The following DCAF8L2 variants were observed in gnomAD, a reference collection of about 807,000 sequenced individuals.
DCAF8L2 encodes DDB1 and CUL4 associated factor 8 like 2.
For synonymous variants in DCAF8L2, 200 were observed against 190.9 expected, an observed-to-expected ratio of 1.05 and a Z score of -0.39; for missense variants, 430 against 490.7, an observed-to-expected ratio of 0.88 and a Z score of 1.17.
chrX:27,527,809 G>A, the DCAF8L2 span, among the ~76,000 whole-genome samples: 38 of 108,609 alleles, frequency 3.5e-4, no homozygotes, highest in African/African-American at 1.2e-3. Flanking sequence ...CCACCACCAT[G>A]CCTGGCTAAT....
upstream of DCAF8L2, among the ~76,000 whole-genome samples, chrX:27,587,703 TTCCCC>T (rs1925929802): frequency 9.0e-6 from 1 of 111,076 alleles, no homozygotes; most frequent in South Asian, 3.7e-4. Context: ...ACAAACTGAC[TTCCCC>T]AAAGGGACTT....
chrX:27,611,354 TC>T (rs1927155388), intron 1 of DCAF8L2, among the ~76,000 whole-genome samples: 1 of 72,282 alleles, frequency 1.4e-5, no homozygotes, highest in Non-Finnish European at 2.5e-5. Flanking sequence ...TTCTTCAGAT[TC>T]TTTTTATTCA....
the DCAF8L2 span, among the ~76,000 whole-genome samples, chrX:27,544,773 T>C: frequency 8.9e-6 from 1 of 111,917 alleles, no homozygotes; most frequent in Non-Finnish European, 1.9e-5. Flanking sequence ...GGCTCAAAGA[T>C]TGATAAGAAA....
the DCAF8L2 span, among the ~76,000 whole-genome samples, chrX:27,496,947 A>C: frequency 2.7e-5 from 3 of 112,335 alleles, no homozygotes; most frequent in South Asian, 1.1e-3. Flanking sequence ...GGAAAAAGCC[A>C]ATGTCAAAAG....
At chrX:27,510,893 A>C in the DCAF8L2 span, among the ~76,000 whole-genome samples, 1 of 111,660 alleles carries the variant, frequency 9.0e-6, no homozygotes, top group Non-Finnish European at 1.9e-5. Context: ...ATTATACTTC[A>C]AGAGTACTAG....
intron 4 of DCAF8L2, among the ~76,000 whole-genome samples, chrX:27,737,582 C>A (rs1921601995): frequency 1.8e-5 from 2 of 112,024 alleles, no homozygotes; most frequent in South Asian, 7.4e-4. Context: ...CCAATCTAAA[C>A]ACTATGTCTA....
chrX:27,501,482 A>G, the DCAF8L2 span, among the ~76,000 whole-genome samples: 1 of 111,312 alleles, frequency 9.0e-6, no homozygotes, highest in Non-Finnish European at 1.9e-5. Flanking sequence ...CCATGTGTAT[A>G]TGTTTTACCA....
At chrX:27,469,935 A>AT in the DCAF8L2 span, among the ~76,000 whole-genome samples, 28 of 109,279 alleles carry the variant, frequency 2.6e-4, no homozygotes, top group Admixed American at 7.8e-4. Context: ...TGCCTGGCTA[A>AT]TTTTTTATTT....
At position 27,747,575 on chromosome X, in the gene DCAF8L2, A is replaced by C; in HGVS notation, c.680A>C (p.His227Pro). The C allele has an allele frequency of 1.7e-6, 2 of 1,191,767 alleles. No individual in the cohort carries two copies. Among genetic ancestry groups the C allele is most frequent in the Non-Finnish European group, 2.3e-6 (2 of 885,047 alleles). Residue 227 changes from histidine to proline, a missense_variant, in exon 5 of 5, where the codon CAT becomes CCT. Coordinates refer to ENST00000451261, the MANE Select transcript of DCAF8L2 (RefSeq NM_001353450.2). ...CGCCTGCAATATCGTCTTGCAGACC[A>C]TGTCGGCTGTGTCAATACTGTACAC... ...RFRLQYRLAD[H>P]VGCVNTVHFN... is the part of the protein sequence containing the mutation.
chrX:27,521,687 A>C, the DCAF8L2 span, among the ~76,000 whole-genome samples: 1 of 112,074 alleles, frequency 8.9e-6, no homozygotes, highest in Non-Finnish European at 1.9e-5. Flanking sequence ...TAGGAAATGA[A>C]AAACTAATGT....
At chrX:27,583,972 CA>C in the DCAF8L2 span, among the ~76,000 whole-genome samples, 1 of 111,500 alleles carries the variant, frequency 9.0e-6, no homozygotes, top group East Asian at 2.8e-4. Flanking sequence ...GTAAAGACCC[CA>C]AACCTCTAGG....
At chrX:27,635,605 C>T (rs1398430503) in intron 2 of DCAF8L2, among the ~76,000 whole-genome samples, 1 of 111,417 alleles carries the variant, frequency 9.0e-6, no homozygotes, top group African/African-American at 3.3e-5. Flanking sequence ...AGCTTTCTTC[C>T]GGCCAATTCA....
rs1267093951 is a variant in DCAF8L2, at chrX:27,648,505, T to C, written c.-220+16505T>C. 3.6e-5 allele frequency among the ~76,000 whole-genome samples: 3 copies of C among 82,777 alleles called. No individual in the cohort carries two copies. The East Asian group carries it at 1.0e-3, about 29-fold the overall frequency. The allele number at this position is 82,777 out of a possible 115,157, so 71.9% of individuals were successfully genotyped here. A position where few individuals can be genotyped will look rare whatever the true frequency, so the allele number is the denominator to read the frequency against. On this transcript the variant is annotated intron_variant, in intron 2 of 4. Coordinates refer to ENST00000451261, the MANE Select transcript of DCAF8L2 (RefSeq NM_001353450.2). ...GTAACATTTCCTAGTTAAGCAAACA[T>C]ATATATATATGTATTATTTATATAT... is the stretch of plus-strand genomic sequence containing the variant.
At chrX:27,608,207 G>T (rs1926997124) in intron 1 of DCAF8L2, among the ~76,000 whole-genome samples, 1 of 111,091 alleles carries the variant, frequency 9.0e-6, no homozygotes, top group South Asian at 3.8e-4. Flanking sequence ...CTTTTATTTA[G>T]ATTTCAAGTA....
the DCAF8L2 span, among the ~76,000 whole-genome samples, chrX:27,480,540 C>T: frequency 1.8e-5 from 2 of 111,756 alleles, no homozygotes; most frequent in Non-Finnish European, 3.8e-5. Flanking sequence ...GGTCTCTTGG[C>T]GGTGGCTCTG....
intron 4 of DCAF8L2, among the ~76,000 whole-genome samples, chrX:27,739,013 C>G (rs1000161399): frequency 9.0e-6 from 1 of 111,021 alleles, no homozygotes; most frequent in African/African-American, 3.3e-5. Context: ...TTAAGACTTT[C>G]AGAAATTTCT....
At chrX:27,683,651 C>G (rs1194116551) in intron 3 of DCAF8L2, among the ~76,000 whole-genome samples, 1 of 112,087 alleles carries the variant, frequency 8.9e-6, no homozygotes, top group Non-Finnish European at 1.9e-5. Flanking sequence ...GGGCTTTTGC[C>G]CACAGGTGAA....
intron 2 of DCAF8L2, among the ~76,000 whole-genome samples, chrX:27,635,199 T>C (rs1250574537): frequency 1.8e-5 from 2 of 111,697 alleles, no homozygotes; most frequent in Non-Finnish European, 3.8e-5. Context: ...CTTGTGACCA[T>C]ACCATGAGTT....
intron 3 of DCAF8L2, among the ~76,000 whole-genome samples, chrX:27,704,819 T>A (rs919037652): frequency 1.8e-5 from 2 of 111,206 alleles, no homozygotes; most frequent in Non-Finnish European, 1.9e-5. Flanking sequence ...TGAAATTTTT[T>A]AATTTTTTTA....
Sources: gnomAD v4.1 joint callset for allele counts (sites outside exome capture counted in the v4.1 genomes callset) on GRCh38, gnomAD v4.1.1 for gene constraint, MANE v1.5 for transcripts, NCBI Gene and HGNC (gene_info 2026-07-23, HGNC 2026-07-21) for gene names.